The following HTR2C variants were observed in gnomAD, a reference collection of about 807,000 sequenced individuals.
The protein encoded by HTR2C is 5-hydroxytryptamine receptor 2C.
A neutral mutation model predicts 21.0 loss-of-function variants in HTR2C; 5 were observed. The ratio of observed to expected loss-of-function variants is 0.24; its 90% CI spans 0.12 to 0.50. HTR2C has a LOEUF of 0.50. Among genes scored for constraint, HTR2C ranks in the 20% least tolerant of loss-of-function variants. The probability of loss-of-function intolerance (pLI) is 0.98; values close to 1 mark genes in which losing one functional copy is unlikely to be tolerated. For missense variants in HTR2C, 271 were observed against 371.2 expected (o/e 0.73, Z 2.22); for synonymous variants, 150 against 145.3 (o/e 1.03, Z -0.23).
chrX:114,761,951 G>GTA lies in HTR2C; in HGVS notation c.349+30351_349+30352dup, dbSNP rs1159511953. ...TATACATATATGTGTATATATACGT[G>GTA]TATATATACATATATGTGTATATAT... On this transcript the variant is annotated intron_variant, in intron 4 of 5. Transcript: ENST00000276198. 2.7e-4 allele frequency among the ~76,000 whole-genome samples: 28 copies of GTA among 105,311 alleles called. 1 individual carries two copies. The highest frequency in any genetic ancestry group is 9.4e-4 in the African/African-American group (26 of 27,543). The allele number at this position is 105,311 out of a possible 115,157, so 91.4% of individuals were successfully genotyped here. A position where few individuals can be genotyped will look rare whatever the true frequency, so the allele number is the denominator to read the frequency against.
intron 2 of HTR2C, among the ~76,000 whole-genome samples, chrX:114,705,356 A>G (rs1319541630): frequency 9.0e-6 from 1 of 111,186 alleles, no homozygotes; most frequent in Non-Finnish European, 1.9e-5. Context: ...GCACCAAAAC[A>G]GAGATATAGA....
intron 4 of HTR2C, among the ~76,000 whole-genome samples, chrX:114,760,209 A>T (rs182651514): frequency 2.7e-5 from 3 of 111,596 alleles, no homozygotes; most frequent in Admixed American, 1.9e-4. Flanking sequence ...ATTAAACTAC[A>T]ATTTATTATT....
At chrX:114,858,744 A>G (rs2147499376) in intron 5 of HTR2C, among the ~76,000 whole-genome samples, 1 of 110,876 alleles carries the variant, frequency 9.0e-6, no homozygotes, top group East Asian at 2.8e-4. Context: ...AAGTGGAAGT[A>G]GTAGACATCT....
intron 2 of HTR2C, among the ~76,000 whole-genome samples, chrX:114,724,654 C>T (rs1342303531): frequency 1.4e-4 from 14 of 100,499 alleles, no homozygotes; most frequent in South Asian, 5.3e-4. Context: ...TGGCTGGTAC[C>T]ACTTGTTCCT....
chrX:114,601,819 TG>T (rs1556394559), intron 1 of HTR2C, among the ~76,000 whole-genome samples: 1 of 100,891 alleles, frequency 9.9e-6, no homozygotes, highest in Non-Finnish European at 2.0e-5. Context: ...AGAGAGAGAA[TG>T]GGCGATGTTT....
chrX:114,612,518 G>C (rs181144059), intron 1 of HTR2C, among the ~76,000 whole-genome samples: 10 of 111,746 alleles, frequency 8.9e-5, no homozygotes, highest in African/African-American at 2.6e-4. Context: ...ATAAATATTG[G>C]CAACTGATGC....
intron 5 of HTR2C, among the ~76,000 whole-genome samples, chrX:114,873,038 G>A (rs1279401851): frequency 8.9e-6 from 1 of 111,843 alleles, no homozygotes; most frequent in East Asian, 2.8e-4. Context: ...ATTTTCCAAT[G>A]TCCTTATTCC....
intron 2 of HTR2C, among the ~76,000 whole-genome samples, chrX:114,626,037 T>G (rs1354370068): frequency 9.0e-6 from 1 of 111,413 alleles, no homozygotes; most frequent in African/African-American, 3.3e-5. Context: ...TTCTTCATAT[T>G]AATAGGCATT....
intron 4 of HTR2C, among the ~76,000 whole-genome samples, chrX:114,764,106 T>C (rs1364224056): frequency 8.9e-6 from 1 of 111,856 alleles, no homozygotes; most frequent in Non-Finnish European, 1.9e-5. Flanking sequence ...TCCTTAGAAA[T>C]GTACAACTTT....
chrX:114,785,617 T>A (rs1556441926), intron 4 of HTR2C, among the ~76,000 whole-genome samples: 1 of 111,660 alleles, frequency 9.0e-6, no homozygotes, highest in Non-Finnish European at 1.9e-5. Flanking sequence ...TCCCTCATAC[T>A]ATACCCCAAA....
At chrX:114,597,474 T>C (rs1259359424) in intron 1 of HTR2C, among the ~76,000 whole-genome samples, 1 of 111,059 alleles carries the variant, frequency 9.0e-6, no homozygotes, top group Non-Finnish European at 1.9e-5. Context: ...CACATAAAAA[T>C]GAAGGAAAAG....
At chrX:114,802,740 T>TTC (rs1556447312) in intron 4 of HTR2C, among the ~76,000 whole-genome samples, 14 of 100,611 alleles carry the variant, frequency 1.4e-4, no homozygotes, top group South Asian at 4.5e-4. Flanking sequence ...CTTTCTTTCT[T>TTC]ATTATTATAC....
At chrX:114,817,560 G>A (rs1602836436) in intron 4 of HTR2C, among the ~76,000 whole-genome samples, 1 of 111,738 alleles carries the variant, frequency 8.9e-6, no homozygotes, top group East Asian at 2.8e-4. Flanking sequence ...ATGTTGTTAA[G>A]AATAGCAATC....
chrX:114,751,541 G>T (rs2069760701), intron 4 of HTR2C, among the ~76,000 whole-genome samples: 1 of 111,836 alleles, frequency 8.9e-6, no homozygotes, highest in Non-Finnish European at 1.9e-5. Flanking sequence ...TTGTTCCCTA[G>T]AATACCAAGA....
intron 2 of HTR2C, among the ~76,000 whole-genome samples, chrX:114,661,334 C>T (rs1200857784): frequency 9.1e-6 from 1 of 109,703 alleles, no homozygotes; most frequent in African/African-American, 3.3e-5. Flanking sequence ...CCCAGCTACT[C>T]GGGAGGCTGA....
chrX:114,746,688 TA>T (rs1382577054), intron 4 of HTR2C, among the ~76,000 whole-genome samples: 63 of 100,058 alleles, frequency 6.3e-4, no homozygotes, highest in East Asian at 6.2e-4. Context: ...ACCTCAACTC[TA>T]AAAAAAAAAA....
At chrX:114,619,879 A>T (rs930256175) in intron 2 of HTR2C, among the ~76,000 whole-genome samples, 3 of 111,950 alleles carry the variant, frequency 2.7e-5, no homozygotes, top group Non-Finnish European at 5.6e-5. Context: ...CAGGAACAGT[A>T]TTTGCTTTCG....
chrX:114,845,039 A>G (rs1441925957), intron 4 of HTR2C, among the ~76,000 whole-genome samples: 1 of 111,385 alleles, frequency 9.0e-6, no homozygotes, highest in Non-Finnish European at 1.9e-5. Flanking sequence ...GATACAGAAC[A>G]TTCCATCTAA....
chrX:114,775,601 A>G, intron 4 of HTR2C: 1 of 493,736 alleles, frequency 2.0e-6, no homozygotes, highest in Non-Finnish European at 3.8e-6. Context: ...ATTGACATCC[A>G]AGAGCAGCAA....
Sources: gnomAD v4.1 joint callset for allele counts (sites outside exome capture counted in the v4.1 genomes callset) on GRCh38, gnomAD v4.1.1 for gene constraint, MANE v1.5 for transcripts, NCBI Gene and HGNC (gene_info 2026-07-23, HGNC 2026-07-21) for gene names.